Variants in CDH4 observed in about 807,000 individuals in gnomAD.
CDH4 encodes cadherin 4, also known as cadherin-4.
CDH4 carries 33 observed loss-of-function variants against 86.0 expected under a neutral mutation model. That is an observed-to-expected ratio of 0.38 (90% CI 0.29 to 0.51). The LOEUF is 0.51. CDH4 is among the 20% of genes least tolerant of loss of function. The pLI is 0.86. For synonymous variants in CDH4, 555 were observed against 549.4 expected (o/e 1.01, Z -0.14); for missense variants, 1,114 against 1,307.4 (o/e 0.85, Z 2.28).
chr20:61,358,909 G>T (rs968895652), intron 2 of CDH4, among the ~76,000 whole-genome samples: 2 of 152,138 alleles, frequency 1.3e-5, no homozygotes, highest in South Asian at 2.1e-4. Flanking sequence ...TGACGGGGGG[G>T]TTTACTCCGT....
Position 61,888,377 on chromosome 20 carries a change from G to A in CDH4, c.1051-6533G>A, listed in dbSNP as rs144130166. Reference sequence around the variant, plus strand: ...GCCAACCTTCAGGCTCCGTCCAGCCGCTGCAAGGGAGGGCCGGGTGCTCAC... The same window carrying A: ...GCCAACCTTCAGGCTCCGTCCAGCCACTGCAAGGGAGGGCCGGGTGCTCAC... On this transcript the variant is annotated intron_variant, in intron 7 of 15. Coordinates refer to ENST00000614565, the MANE Select transcript of CDH4 (RefSeq NM_001794.5). 2.0e-3 allele frequency among the ~76,000 whole-genome samples: 307 copies of A among 152,314 alleles called. 2 individuals are homozygous for A. Among genetic ancestry groups the A allele is most frequent in the African/African-American group, 7.1e-3 (295 of 41,570 alleles).
Position 61,565,213 on chromosome 20 carries a change from C to CTTGGTGGTGGTGGTAGTGG in CDH4, c.170-178349_170-178348insTGGTGGTGGTGGTAGTGGT, listed in dbSNP as rs1339239791. The stretch of plus-strand genomic sequence containing the variant: ...TCCTCTTGGTGGTGGTCGCGGTGCT[C>CTTGGTGGTGGTGGTAGTGG]TCGGTGGTAGGTGGTGGTGGTGGTG... On this transcript the variant is annotated intron_variant, in intron 2 of 15. Transcript: ENST00000614565. Among the ~76,000 whole-genome samples the CTTGGTGGTGGTGGTAGTGG allele has an allele frequency of 1.6e-4, 3 of 18,200 alleles. 1 individual carries two copies. Among genetic ancestry groups the CTTGGTGGTGGTGGTAGTGG allele is most frequent in the Middle Eastern group, 0.05 (1 of 20 alleles). The allele number at this position is 18,200 out of a possible 152,430, so 11.9% of individuals were successfully genotyped here.
chr20:61,461,775 C>T (rs1033781581), intron 2 of CDH4, among the ~76,000 whole-genome samples: 15 of 152,196 alleles, frequency 9.9e-5, no homozygotes, highest in Non-Finnish European at 2.2e-4. Context: ...ATGATGTTTG[C>T]AGGGGAATCT....
chr20:61,648,034 A>G (rs982463802), intron 2 of CDH4, among the ~76,000 whole-genome samples: 1 of 152,114 alleles, frequency 6.6e-6, no homozygotes, highest in African/African-American at 2.4e-5. Flanking sequence ...ACGCTTCCCA[A>G]TTAGGGGCAC....
At chr20:61,766,068 G>C (rs1305350562) in intron 3 of CDH4, among the ~76,000 whole-genome samples, 1 of 151,914 alleles carries the variant, frequency 6.6e-6, no homozygotes, top group Non-Finnish European at 1.5e-5. Flanking sequence ...ACCCCACTAG[G>C]CCACCCAGGA....
chr20:61,899,084 C>T (rs1311897801), intron 8 of CDH4, among the ~76,000 whole-genome samples: 1 of 151,986 alleles, frequency 6.6e-6, no homozygotes, highest in East Asian at 1.9e-4. Context: ...ATCACGAGGT[C>T]CGGAGTTCAA....
chr20:61,451,885 G>C (rs1166588182), intron 2 of CDH4, among the ~76,000 whole-genome samples: 1 of 152,194 alleles, frequency 6.6e-6, no homozygotes, highest in African/African-American at 2.4e-5. Context: ...CTCTTCTCAT[G>C]CCTAGGCACT....
intron 2 of CDH4, among the ~76,000 whole-genome samples, chr20:61,321,072 G>A (rs1487257988): frequency 2.0e-5 from 3 of 152,170 alleles, no homozygotes; most frequent in Non-Finnish European, 4.4e-5. Flanking sequence ...CCTCGGTGGG[G>A]TGGCATTGAC....
At chr20:61,432,469 C>T (rs1449065762) in intron 2 of CDH4, among the ~76,000 whole-genome samples, 1 of 152,126 alleles carries the variant, frequency 6.6e-6, no homozygotes, top group Non-Finnish European at 1.5e-5. Context: ...ATCATTTAAC[C>T]ATTATTCAAT....
intron 2 of CDH4, among the ~76,000 whole-genome samples, chr20:61,387,070 A>G (rs1247004375): frequency 1.3e-5 from 2 of 152,280 alleles, no homozygotes; most frequent in Non-Finnish European, 2.9e-5. Flanking sequence ...TTTAAAAATT[A>G]TAAAAATAAA....
intron 2 of CDH4, among the ~76,000 whole-genome samples, chr20:61,309,816 CAGAA>C (rs1600854971): frequency 6.6e-6 from 1 of 152,064 alleles, no homozygotes; most frequent in East Asian, 1.9e-4. Flanking sequence ...AGCAATGTTT[CAGAA>C]AGAGTTAGGA....
At chr20:61,565,924 G>T (rs1042011570) in intron 2 of CDH4, among the ~76,000 whole-genome samples, 1 of 152,162 alleles carries the variant, frequency 6.6e-6, no homozygotes, top group Non-Finnish European at 1.5e-5. Flanking sequence ...GTCCTCATGG[G>T]GTTCTCCAGC....
intron 2 of CDH4, among the ~76,000 whole-genome samples, chr20:61,367,665 G>A (rs2084818262): frequency 6.6e-6 from 1 of 152,056 alleles, no homozygotes; most frequent in South Asian, 2.1e-4. Flanking sequence ...GAGAAAGGAG[G>A]AACAGCACTT....
chr20:61,390,510 C>G (rs1297008838), intron 2 of CDH4, among the ~76,000 whole-genome samples: 3 of 147,076 alleles, frequency 2.0e-5, no homozygotes, highest in Non-Finnish European at 3.0e-5. Context: ...CTGGGAAACC[C>G]CAATTGAGAT....
chr20:61,670,655 C>A (rs936200428), intron 2 of CDH4, among the ~76,000 whole-genome samples: 41 of 152,298 alleles, frequency 2.7e-4, no homozygotes, highest in African/African-American at 9.9e-4. Flanking sequence ...GAGTGCGAGG[C>A]TGATGAGGCT....
At chr20:61,682,870 G>A (rs946652681) in intron 2 of CDH4, among the ~76,000 whole-genome samples, 5 of 151,930 alleles carry the variant, frequency 3.3e-5, no homozygotes, top group South Asian at 2.1e-4. Flanking sequence ...CAATCTACCC[G>A]TAAGCAAATC....
intron 2 of CDH4, among the ~76,000 whole-genome samples, chr20:61,275,254 TGCAGTTTGGGGGAGCACCATGC>T (rs2084222451): frequency 9.7e-6 from 1 of 103,048 alleles, no homozygotes; most frequent in African/African-American, 3.8e-5. Flanking sequence ...GAATACCGTG[TGCAGTTTGGGGGAGCACCATGC>T]GCAGTTGGGG....
Position 61,703,589 on chromosome 20 carries a change from G to A in CDH4, c.170-39974G>A, listed in dbSNP as rs771162012. On this transcript the variant is annotated intron_variant, in intron 2 of 15. Coordinates refer to ENST00000614565, the MANE Select transcript of CDH4 (RefSeq NM_001794.5). This position sits in a 1 kb window ranked among gnomAD's most constrained non-coding sequence, Gnocchi z 4.3. ...CGTCCCCAGCTTGTGTCCCTTCCCCGTCGCACCTCTTCCCCGTGCCTGGAT... is the reference window on the plus strand; with the variant it reads ...CGTCCCCAGCTTGTGTCCCTTCCCCATCGCACCTCTTCCCCGTGCCTGGAT... Among the ~76,000 whole-genome samples the A allele has an allele frequency of 8.5e-5, 13 of 152,302 alleles. No individual in the cohort carries two copies. The highest frequency in any genetic ancestry group is 1.9e-4 in the East Asian group (1 of 5,176).
At chr20:61,538,466 C>A (rs931266606) in intron 2 of CDH4, among the ~76,000 whole-genome samples, 2 of 152,182 alleles carry the variant, frequency 1.3e-5, no homozygotes, top group East Asian at 3.9e-4. Flanking sequence ...AAACCCAGGC[C>A]CCCACTCCTG....
Sources: gnomAD v4.1 joint callset for allele counts (sites outside exome capture counted in the v4.1 genomes callset) on GRCh38, gnomAD v4.1.1 for gene constraint, Gnocchi (gnomAD v3.1) non-coding constraint, MANE v1.5 for transcripts, NCBI Gene and HGNC (gene_info 2026-07-23, HGNC 2026-07-21) for gene names.